SMCHD1: variants seen among roughly 807,000 people sequenced by gnomAD.
SMCHD1 encodes structural maintenance of chromosomes flexible hinge domain containing 1.
Under a neutral mutation model 254.7 loss-of-function variants are expected in SMCHD1, and 78 were observed. That is an observed-to-expected ratio of 0.31 (90% confidence interval 0.26 to 0.37). The LOEUF (loss-of-function observed/expected upper bound fraction) is 0.37, where lower values mean the gene tolerates loss of function less well. Ranked by LOEUF, SMCHD1 falls within the 10% of genes least tolerant of loss-of-function variation. The pLI is 1.00. For synonymous variants in SMCHD1, 766 were observed against 794.9 expected, an observed-to-expected ratio of 0.96 and a Z score of 0.61; for missense variants, 1,840 against 2,408.1, an observed-to-expected ratio of 0.76 and a Z score of 4.94.
intron 45 of SMCHD1, among the ~76,000 whole-genome samples, chr18:2,793,212 C>T (rs928978724): frequency 6.6e-6 from 1 of 152,196 alleles, no homozygotes; most frequent in African/African-American, 2.4e-5. Context: ...GAAGTCCTTA[C>T]ACACTTACCT....
intron 37 of SMCHD1, among the ~76,000 whole-genome samples, chr18:2,764,297 G>GC (rs1478058332): frequency 1.3e-5 from 2 of 152,100 alleles, no homozygotes; most frequent in Admixed American, 1.3e-4. Flanking sequence ...CACTAATGCT[G>GC]CCTGCATACC....
intron 4 of SMCHD1, 94 bp downstream of exon 4, chr18:2,673,457 A>G (rs1244720959): frequency 3.2e-6 from 3 of 930,718 alleles, no homozygotes; most frequent in Admixed American, 3.4e-5. Flanking sequence ...GATAAAACTA[A>G]AAGTAGAAAT....
intron 39 of SMCHD1, among the ~76,000 whole-genome samples, chr18:2,770,535 G>A (rs1376725138): frequency 1.3e-5 from 2 of 152,174 alleles, no homozygotes; most frequent in Non-Finnish European, 2.9e-5. Flanking sequence ...GGTATCTGGG[G>A]CAGCACACAC....
In SMCHD1 at chr18:2,685,850, T is replaced by C. The variant is rs543040881; in HGVS notation, c.639-2544T>C. Among the ~76,000 whole-genome samples the C allele has an allele frequency of 4.2e-4, 64 of 152,366 alleles. 1 individual carries two copies. Among genetic ancestry groups the C allele is most frequent in the Non-Finnish European group, 8.2e-4 (56 of 68,038 alleles). On this transcript the variant is annotated intron_variant, in intron 5 of 47. Coordinates refer to ENST00000320876, the MANE Select transcript of SMCHD1 (RefSeq NM_015295.3). ...TCCACTGTACAACCATACTGCGTTT[T>C]GTCTATCAGTTCATAGATTAATGGA...
Position 2,718,290 on chromosome 18 carries a change from T to C in SMCHD1, c.2339-25T>C. ...ACATTGGTATTGTGTTGACTTGATT[T>C]TTAATTTCTTCTTAATTTATCCAGA... is the stretch of plus-strand genomic sequence containing the variant. On this transcript the variant is annotated intron_variant, in intron 18 of 47. Coordinates refer to ENST00000320876, the MANE Select transcript of SMCHD1 (RefSeq NM_015295.3). The surrounding 1 kb of genome is among the most constrained non-coding windows in gnomAD (Gnocchi z 4.6). 6 of 1,607,934 alleles carry C rather than the reference T, an allele frequency of 3.7e-6. No homozygotes were observed. The highest frequency in any genetic ancestry group is 5.1e-6 in the Non-Finnish European group (6 of 1,177,112).
chr18:2,664,771 A>T (rs2073390140), intron 1 of SMCHD1, among the ~76,000 whole-genome samples: 1 of 152,198 alleles, frequency 6.6e-6, no homozygotes, highest in African/African-American at 2.4e-5. Flanking sequence ...TTTTGATCTG[A>T]CTTGCCATTC....
At chr18:2,658,852 A>G (rs1161163141) in intron 1 of SMCHD1, among the ~76,000 whole-genome samples, 1 of 150,818 alleles carries the variant, frequency 6.6e-6, no homozygotes, top group Non-Finnish European at 1.5e-5. Context: ...ATGTATATGT[A>G]TATATACATA....
intron 40 of SMCHD1, among the ~76,000 whole-genome samples, 194 bp from the exon 41 acceptor site, chr18:2,772,056 A>G (rs892435199): frequency 2.0e-5 from 3 of 152,030 alleles, no homozygotes; most frequent in Non-Finnish European, 2.9e-5. Context: ...TTATATTACT[A>G]TAACCATGGT....
intron 5 of SMCHD1, among the ~76,000 whole-genome samples, chr18:2,679,098 G>A (rs1400283060): frequency 2.7e-5 from 4 of 150,274 alleles, no homozygotes; most frequent in Non-Finnish European, 5.9e-5. Flanking sequence ...TGCCTGCCTC[G>A]GCCTCCCGAA....
intron 1 of SMCHD1, among the ~76,000 whole-genome samples, chr18:2,658,106 A>G (rs892404481): frequency 6.6e-6 from 1 of 152,230 alleles, no homozygotes; most frequent in East Asian, 1.9e-4. Flanking sequence ...CTTTGAATAC[A>G]TAGCCGTTTA....
chr18:2,681,298 A>G (rs1345926807), intron 5 of SMCHD1, among the ~76,000 whole-genome samples: 2 of 151,766 alleles, frequency 1.3e-5, no homozygotes, highest in African/African-American at 4.8e-5. Flanking sequence ...TGGTAATCCC[A>G]GCTGCTCAGG....
At chr18:2,713,880 T>C (rs1338916743) in intron 17 of SMCHD1, among the ~76,000 whole-genome samples, 1 of 152,208 alleles carries the variant, frequency 6.6e-6, no homozygotes, top group African/African-American at 2.4e-5. Flanking sequence ...GAGATTTGTT[T>C]TGTGGCCTAA....
At chr18:2,660,577 G>C (rs141883664) in intron 1 of SMCHD1, among the ~76,000 whole-genome samples, 1 of 149,434 alleles carries the variant, frequency 6.7e-6, no homozygotes, top group Admixed American at 6.7e-5. Context: ...AAGTTCCAGC[G>C]ATTCTCCTGC....
chr18:2,673,234 GTA>G, intron 3 of SMCHD1, 45 bp from the exon 4 acceptor site: 8 of 1,526,456 alleles, frequency 5.2e-6, no homozygotes, highest in Non-Finnish European at 7.1e-6. Flanking sequence ...TTTATATAAA[GTA>G]TGTGGGAGGG....
Position 2,662,192 on chromosome 18 carries a change from T to A in SMCHD1, c.187-3965T>A, listed in dbSNP as rs28412816. Among the ~76,000 whole-genome samples the A allele has an allele frequency of 6.6e-3, 501 of 75,572 alleles. 16 individuals carry two copies. The highest frequency in any genetic ancestry group is 0.019 in the Middle Eastern group (2 of 108). 49.6% of individuals were successfully genotyped at this position (75,572 alleles called of 152,430 possible). A position where few individuals can be genotyped will look rare whatever the true frequency, so the allele number is the denominator to read the frequency against. On this transcript the variant is annotated intron_variant, in intron 1 of 47. Coordinates refer to ENST00000320876, the MANE Select transcript of SMCHD1 (RefSeq NM_015295.3). ...AAAAAAAAAAAATAAAATAAATAAATAAATAAATAAAGAAAGAAAGAAAGA... is the reference window on the plus strand; with the variant it reads ...AAAAAAAAAAAATAAAATAAATAAAAAAATAAATAAAGAAAGAAAGAAAGA...
At chr18:2,770,374 A>G (rs1466930762) in intron 39 of SMCHD1, among the ~76,000 whole-genome samples, 1 of 152,224 alleles carries the variant, frequency 6.6e-6, no homozygotes, top group Non-Finnish European at 1.5e-5. Flanking sequence ...GGCTTTCTAC[A>G]TAATAATAAT....
At chr18:2,722,863 A>G (rs1431676051) in intron 20 of SMCHD1, among the ~76,000 whole-genome samples, 200 bp downstream of exon 20, 1 of 152,150 alleles carries the variant, frequency 6.6e-6, no homozygotes, top group African/African-American at 2.4e-5. Flanking sequence ...ACTAAAGTTT[A>G]TGTTTTGACT....
intron 37 of SMCHD1, among the ~76,000 whole-genome samples, chr18:2,764,978 A>C (rs2075843137): frequency 6.6e-6 from 1 of 152,178 alleles, no homozygotes; most frequent in African/African-American, 2.4e-5. Context: ...TGCCAGAAGT[A>C]TATGTCTATC....
chr18:2,685,725 A>G (rs2074036632), intron 5 of SMCHD1, among the ~76,000 whole-genome samples: 1 of 152,138 alleles, frequency 6.6e-6, no homozygotes, highest in African/African-American at 2.4e-5. Flanking sequence ...ATTATACAGT[A>G]TTTGTCATGT....
Sources: gnomAD v4.1 joint callset for allele counts (sites outside exome capture counted in the v4.1 genomes callset) on GRCh38, gnomAD v4.1.1 for gene constraint, Gnocchi (gnomAD v3.1) non-coding constraint, MANE v1.5 for transcripts, NCBI Gene and HGNC (gene_info 2026-07-23, HGNC 2026-07-21) for gene names.